RALGAPB: variants seen among roughly 807,000 people sequenced by gnomAD.
RALGAPB encodes ral GTPase-activating protein subunit beta.
In RALGAPB, 25 loss-of-function variants were observed where a neutral mutation model predicts 161.1. That is an observed-to-expected ratio of 0.16 (90% CI 0.11 to 0.22). RALGAPB has a LOEUF of 0.22. Ranked by LOEUF, RALGAPB falls within the 10% of genes least tolerant of loss-of-function variation. The pLI is 1.00. For synonymous variants in RALGAPB, 629 were observed against 626.1 expected (o/e 1.00, Z -0.07); for missense variants, 1,391 against 1,815.2 (o/e 0.77, Z 4.25).
chr20:38,500,764 A>G (rs2085567367), intron 5 of RALGAPB, among the ~76,000 whole-genome samples: 1 of 152,250 alleles, frequency 6.6e-6, no homozygotes, highest in Non-Finnish European at 1.5e-5. Flanking sequence ...CTTGAAGGAA[A>G]TTAAACATGC....
rs548942892 is a variant in RALGAPB, at chr20:38,475,325, A to G, written c.-31+2256A>G. ...TAAGTACTTAATGAAGAGTAAAATC[A>G]TGTTGTCACAGGAATTGACAAATTT... On this transcript the variant is annotated intron_variant, in intron 1 of 29. Transcript: ENST00000262879. Among the ~76,000 whole-genome samples, 7 of 152,328 alleles carry G rather than the reference A, an allele frequency of 4.6e-5. No individual in the cohort carries two copies. In the East Asian group the frequency reaches 1.2e-3, roughly 25 times the overall value.
intron 1 of RALGAPB, among the ~76,000 whole-genome samples, chr20:38,483,667 G>A (rs961438788): frequency 1.3e-5 from 2 of 152,150 alleles, no homozygotes; most frequent in African/African-American, 2.4e-5. Flanking sequence ...TTACTAACGG[G>A]ATGGAGCTAC....
chr20:38,566,879 A>G, intron 25 of RALGAPB, among the ~76,000 whole-genome samples: 1 of 152,360 alleles, frequency 6.6e-6, no homozygotes, highest in Non-Finnish European at 1.5e-5. Context: ...GTTATAAATA[A>G]AATATAAAGA....
chr20:38,561,420 T>C (rs2087782125), intron 23 of RALGAPB, among the ~76,000 whole-genome samples: 1 of 152,244 alleles, frequency 6.6e-6, no homozygotes, highest in Admixed American at 6.5e-5. Context: ...ACTTCCTATA[T>C]TTTGACTTTC....
chr20:38,555,483 G>A (rs1261839677), intron 22 of RALGAPB, among the ~76,000 whole-genome samples: 1 of 152,104 alleles, frequency 6.6e-6, no homozygotes, highest in East Asian at 1.9e-4. Context: ...AAAATTATAA[G>A]AAACATAGTG....
chr20:38,512,930 T>C (rs917086073), intron 6 of RALGAPB, among the ~76,000 whole-genome samples: 2 of 151,176 alleles, frequency 1.3e-5, no homozygotes, highest in African/African-American at 2.5e-5. Flanking sequence ...TGACTAATTT[T>C]TTGTATTTTT....
intron 6 of RALGAPB, among the ~76,000 whole-genome samples, chr20:38,513,602 T>C (rs2086037520): frequency 6.7e-6 from 1 of 149,098 alleles, no homozygotes; most frequent in Non-Finnish European, 1.5e-5. Flanking sequence ...TGAGCCAAGA[T>C]CATACCACTG....
Position 38,524,698 on chromosome 20 carries a change from T to A in RALGAPB, c.1620-80T>A. On this transcript the variant is annotated intron_variant, in intron 10 of 29. Coordinates refer to ENST00000262879, the MANE Select transcript of RALGAPB (RefSeq NM_020336.4). ...AATAGTGATGAGTGGAAATAGACTT[T>A]CAGTTAACTATGTAGCAAATAATAA... is the stretch of plus-strand genomic sequence containing the variant. 8 of 1,088,742 alleles carry A rather than the reference T, an allele frequency of 7.3e-6. No homozygotes were observed. The South Asian group carries it at 1.1e-4, about 16-fold the overall frequency. The allele number at this position is 1,088,742 out of a possible 1,614,324, so 67.4% of individuals were successfully genotyped here. A position where few individuals can be genotyped will look rare whatever the true frequency, so the allele number is the denominator to read the frequency against.
At chr20:38,553,058 A>G (rs1464309086) in intron 21 of RALGAPB, among the ~76,000 whole-genome samples, 1 of 152,150 alleles carries the variant, frequency 6.6e-6, no homozygotes, top group Non-Finnish European at 1.5e-5. Flanking sequence ...GCCCCACCGC[A>G]ATAGTAGAGC....
intron 26 of RALGAPB, chr20:38,569,572 T>A (rs1038600549): frequency 8.6e-6 from 2 of 231,954 alleles, no homozygotes; most frequent in African/African-American, 4.4e-5. Flanking sequence ...CTAACAGAGA[T>A]AGACTCAAAT....
intron 1 of RALGAPB, among the ~76,000 whole-genome samples, chr20:38,481,856 G>A (rs1451811992): frequency 3.9e-5 from 6 of 152,166 alleles, no homozygotes; most frequent in African/African-American, 1.4e-4. Context: ...CATATGTATA[G>A]TCAGGATGCT....
At chr20:38,484,895 A>G (rs1425718719) in intron 1 of RALGAPB, among the ~76,000 whole-genome samples, 4 of 152,120 alleles carry the variant, frequency 2.6e-5, no homozygotes, top group South Asian at 2.1e-4. Context: ...GGGTTTTTCC[A>G]TGTTGGTCAG....
intron 28 of RALGAPB, among the ~76,000 whole-genome samples, chr20:38,571,397 T>G (rs543748512): frequency 6.6e-5 from 10 of 152,328 alleles, no homozygotes; most frequent in African/African-American, 2.4e-4. Flanking sequence ...CTGCAGTTCC[T>G]GACAACTAGA....
At chr20:38,527,702 A>C (rs751754317) in intron 13 of RALGAPB, among the ~76,000 whole-genome samples, 1 of 152,068 alleles carries the variant, frequency 6.6e-6, no homozygotes, top group Non-Finnish European at 1.5e-5. Context: ...ATATGTGAGA[A>C]CCTCCAAGTT....
intron 5 of RALGAPB, among the ~76,000 whole-genome samples, chr20:38,500,242 T>C (rs76142116): frequency 6.9e-6 from 1 of 144,916 alleles, no homozygotes; most frequent in Admixed American, 6.9e-5. Flanking sequence ...GGATACCATG[T>C]TTTTTTTTTT....
intron 21 of RALGAPB, among the ~76,000 whole-genome samples, chr20:38,552,823 G>T (rs755119113): frequency 6.6e-6 from 1 of 152,168 alleles, no homozygotes; most frequent in African/African-American, 2.4e-5. Context: ...AACTCACTCT[G>T]CTGACTTTCT....
intron 5 of RALGAPB, among the ~76,000 whole-genome samples, chr20:38,504,485 A>G (rs2085692204): frequency 6.6e-6 from 1 of 152,240 alleles, no homozygotes; most frequent in African/African-American, 2.4e-5. Flanking sequence ...GAATACTAGA[A>G]GAAAACCTAG....
chr20:38,492,048 C>T (rs933015012), intron 2 of RALGAPB, among the ~76,000 whole-genome samples: 6 of 152,182 alleles, frequency 3.9e-5, no homozygotes, highest in African/African-American at 1.4e-4. Flanking sequence ...AGACATATAG[C>T]TCAGATGATG....
At position 38,528,345 on chromosome 20, in the gene RALGAPB, TTTTATTTATTTATTTATTTA is replaced by T. The variant is rs55916951; in HGVS notation, c.2050+2328_2050+2347del. Among the ~76,000 whole-genome samples the T allele has an allele frequency of 2.0e-4, 30 of 147,360 alleles. No individual in the cohort carries two copies. The South Asian group carries it at 2.8e-3, about 14-fold the overall frequency. ...AGTTTGACCTTCACATTCATTTTAT[TTTTATTTATTTATTTATTTA>T]TTTATTTATTTATTTATTTATTTAA... is the stretch of plus-strand genomic sequence containing the variant. On this transcript the variant is annotated intron_variant, in intron 13 of 29. Transcript: ENST00000262879.
Sources: allele counts gnomAD v4.1 joint callset (sites outside exome capture counted in the v4.1 genomes callset), GRCh38; gene constraint gnomAD v4.1.1; transcripts MANE v1.5; gene names NCBI Gene and HGNC (gene_info 2026-07-23, HGNC 2026-07-21).